SPO11: variants seen among roughly 807,000 people sequenced by gnomAD.
SPO11 encodes SPO11 initiator of meiotic double strand breaks, also known as meiotic recombination protein SPO11.
SPO11 carries 49 observed loss-of-function variants against 51.6 expected under a neutral mutation model. That is an observed-to-expected ratio of 0.95 (90% CI 0.75 to 1.20). The LOEUF is 1.20. Among genes scored for constraint, SPO11 ranks in the 50% most tolerant of loss-of-function variants. The pLI, the probability that SPO11 is intolerant of heterozygous loss-of-function variation, is 0.00. For synonymous variants in SPO11, 176 were observed against 158.2 expected (o/e 1.11, Z -0.84); for missense variants, 431 against 473.4 (o/e 0.91, Z 0.83).
chr20:57,335,406 T>C lies in SPO11; in HGVS notation c.598-13T>C, dbSNP rs371443486. The C allele has an allele frequency of 9.4e-6, 15 of 1,601,618 alleles. No individual in the cohort carries two copies. Among genetic ancestry groups the C allele is most frequent in the Non-Finnish European group, 1.2e-5 (14 of 1,176,098 alleles). On this transcript the variant is annotated splice_polypyrimidine_tract_variant and intron_variant, in intron 6 of 12. Coordinates refer to ENST00000371263, the MANE Select transcript of SPO11 (RefSeq NM_012444.3). Reference sequence around the variant, plus strand: ...TTGCTTTTTATGTAAGATAAAAACTTTTTTTTTAAAAGGCTGTTGCTGTGC... The same window carrying C: ...TTGCTTTTTATGTAAGATAAAAACTCTTTTTTTAAAAGGCTGTTGCTGTGC...
intron 11 of SPO11, among the ~76,000 whole-genome samples, chr20:57,340,893 A>C (rs1356723597): frequency 6.6e-6 from 1 of 152,254 alleles, no homozygotes; most frequent in African/African-American, 2.4e-5. Context: ...TATCATTTTA[A>C]GAGTATTAAA....
intron 9 of SPO11, 46 bp from the exon 10 acceptor site, chr20:57,338,943 G>A (rs1318967924): frequency 1.6e-6 from 2 of 1,254,624 alleles, no homozygotes; most frequent in Admixed American, 2.4e-5. Flanking sequence ...AAATTAACCT[G>A]TAATATGTAA....
At chr20:57,331,073 C>T (rs1374372913) in intron 1 of SPO11, among the ~76,000 whole-genome samples, 3 of 152,184 alleles carry the variant, frequency 2.0e-5, no homozygotes, top group Non-Finnish European at 1.5e-5. Flanking sequence ...TTCTAGAGTG[C>T]ATTTGATTTC....
At chr20:57,339,319 A>G (rs1296212268) in intron 10 of SPO11, among the ~76,000 whole-genome samples, 1 of 152,050 alleles carries the variant, frequency 6.6e-6, no homozygotes. Context: ...GGTGACAACA[A>G]CGCTGTCTGA....
At chr20:57,334,471 CATAAT>C (rs531037660) in intron 5 of SPO11, among the ~76,000 whole-genome samples, 34 of 152,298 alleles carry the variant, frequency 2.2e-4, no homozygotes, top group African/African-American at 7.5e-4. Context: ...AATTTTAAAA[CATAAT>C]ATAGTCTTCT....
chr20:57,330,075 T>TCAG (rs1283290637), intron 1 of SPO11, 77 bp downstream of exon 1: 2 of 1,474,318 alleles, frequency 1.4e-6, no homozygotes, highest in Non-Finnish European at 1.8e-6. Flanking sequence ...CCGGGCTGCC[T>TCAG]CCTAGTGTTG....
At chr20:57,332,076 GT>G in intron 2 of SPO11, 130 bp downstream of exon 2, 1 of 526,674 alleles carries the variant, frequency 1.9e-6, no homozygotes. Flanking sequence ...GATTTAGGAA[GT>G]TTACGAAATA....
chr20:57,333,652 G>T, intron 3 of SPO11, 35 bp from the exon 4 acceptor site: 3 of 1,095,874 alleles, frequency 2.7e-6, no homozygotes, highest in Non-Finnish European at 4.2e-6. Flanking sequence ...TAAGAGAAAT[G>T]ATGAGTAACT....
In SPO11 at chr20:57,329,822, A is replaced by C. The variant is rs770108439; in HGVS notation, c.-46A>C. 1.3e-6 allele frequency: 2 copies of C among 1,559,576 alleles called. No individual in the cohort carries two copies. The highest frequency in any genetic ancestry group is 2.3e-5 in the East Asian group (1 of 44,144). On this transcript the variant is annotated 5_prime_UTR_variant, in exon 1 of 13. Transcript: ENST00000371263. ...GCACGCAGCCACGCCCCAAGGGCGCAGCCTAGGACAGGGGCTTCTGGAGCT... is the reference window on the plus strand; with the variant it reads ...GCACGCAGCCACGCCCCAAGGGCGCCGCCTAGGACAGGGGCTTCTGGAGCT...
Position 57,334,851 on chromosome 20 carries a change from T to G in SPO11, c.597+15T>G. The G allele has an allele frequency of 6.2e-7, 1 of 1,610,512 alleles. No individual in the cohort carries two copies. The highest frequency in any genetic ancestry group is 8.5e-7 in the Non-Finnish European group (1 of 1,177,380). On this transcript the variant is annotated intron_variant, in intron 6 of 12. Transcript: ENST00000371263. ...GTGGTGCAACGGTAAGAAGCATCAT[T>G]GAAGTTTTCACAGCTTTAACTCTTC...
At position 57,343,588 on chromosome 20, in the gene SPO11, C is replaced by T. The variant is rs1320906450; in HGVS notation, c.*128C>T. ...GTAAAAGTGAAATAAAATAACTTTC[C>T]GTTAATTATATATTTTTGTCAAAAC... is the stretch of plus-strand genomic sequence containing the variant. On this transcript the variant is annotated 3_prime_UTR_variant, in exon 13 of 13. Coordinates refer to ENST00000371263, the MANE Select transcript of SPO11 (RefSeq NM_012444.3). 10 of 1,096,312 alleles carry T rather than the reference C, an allele frequency of 9.1e-6. No homozygotes were observed. In the Admixed American group the frequency reaches 9.4e-5, roughly 10 times the overall value. 67.9% of individuals were successfully genotyped at this position (1,096,312 alleles called of 1,614,324 possible). A position where few individuals can be genotyped will look rare whatever the true frequency, so the allele number is the denominator to read the frequency against.
intron 8 of SPO11, among the ~76,000 whole-genome samples, chr20:57,336,227 TGA>T (rs1172760525): frequency 6.6e-6 from 1 of 152,230 alleles, no homozygotes; most frequent in Non-Finnish European, 1.5e-5. Context: ...CTTGAAAAGC[TGA>T]GTGTTCCTGC....
rs547363905 is a variant in SPO11 at position 57,342,339 on chromosome 20, C to G, written c.960-390C>G. 7.9e-5 allele frequency among the ~76,000 whole-genome samples: 12 copies of G among 152,328 alleles called. No individual in the cohort carries two copies. In the East Asian group the frequency reaches 2.1e-3, roughly 27 times the overall value. On this transcript the variant is annotated intron_variant, in intron 11 of 12. Coordinates refer to ENST00000371263, the MANE Select transcript of SPO11 (RefSeq NM_012444.3). ...GCCGTTGGCCATGCATATTGGAGCT[C>G]ACTGCCAGAAGAGTGTGAAGCTCTG...
In SPO11 at chr20:57,333,762, ATTG is replaced by A; in HGVS notation, c.401+12_401+14del. On this transcript the variant is annotated intron_variant, in intron 4 of 12. Coordinates refer to ENST00000371263, the MANE Select transcript of SPO11 (RefSeq NM_012444.3). ...ACTTATGCAACCAAAAGGTAAATAT[ATTG>A]TTCTAGTAAATTACTCTTCAAAATG... The A allele has an allele frequency of 7.3e-7, 1 of 1,373,038 alleles. No individual in the cohort carries two copies. The highest frequency in any genetic ancestry group is 1.0e-6 in the Non-Finnish European group (1 of 970,978). The allele number at this position is 1,373,038 out of a possible 1,614,324, so 85.1% of individuals were successfully genotyped here. A position where few individuals can be genotyped will look rare whatever the true frequency, so the allele number is the denominator to read the frequency against.
chr20:57,343,289 C>T (rs1188082288), intron 12 of SPO11, 52 bp from the exon 13 acceptor site: 9 of 1,587,284 alleles, frequency 5.7e-6, no homozygotes, highest in Non-Finnish European at 1.7e-6. Context: ...GTTGAATTGA[C>T]AGAAATGCAA....
Position 57,340,009 on chromosome 20 carries a change from CCTT to C in SPO11, c.883-89_883-87del, listed in dbSNP as rs1476830024. 2.4e-5 allele frequency: 20 copies of C among 817,840 alleles called. No individual in the cohort carries two copies. The South Asian group carries it at 2.5e-4, about 10-fold the overall frequency. 50.7% of individuals were successfully genotyped at this position (817,840 alleles called of 1,614,324 possible). On this transcript the variant is annotated intron_variant, in intron 10 of 12. Coordinates refer to ENST00000371263, the MANE Select transcript of SPO11 (RefSeq NM_012444.3). ...ATGTGAAGCCAGCTTTAGTACTTGT[CCTT>C]CTTAATAAGTGAAAAATTTGACTGA...
chr20:57,336,675 T>G (rs1033647962), intron 8 of SPO11, among the ~76,000 whole-genome samples: 18 of 152,262 alleles, frequency 1.2e-4, no homozygotes, highest in African/African-American at 4.3e-4. Context: ...GAGGGCCATA[T>G]TAGGAAGAGC....
chr20:57,334,969 G>A (rs1056550750), intron 6 of SPO11, 133 bp downstream of exon 6: 23 of 685,654 alleles, frequency 3.4e-5, no homozygotes, highest in African/African-American at 2.0e-4. Flanking sequence ...AGATGGATAG[G>A]AATATGCTTT....
Position 57,335,398 on chromosome 20 carries a change from TA to T in SPO11, c.598-16del. ...TGGTTATTTTGCTTTTTATGTAAGA[TA>T]AAAACTTTTTTTTTAAAAGGCTGTT... On this transcript the variant is annotated intron_variant, in intron 6 of 12. Coordinates refer to ENST00000371263, the MANE Select transcript of SPO11 (RefSeq NM_012444.3). The T allele has an allele frequency of 6.3e-7, 1 of 1,598,838 alleles. No individual in the cohort carries two copies. The highest frequency in any genetic ancestry group is 1.1e-5 in the South Asian group (1 of 87,698).
Sources: gnomAD v4.1 joint callset for allele counts (sites outside exome capture counted in the v4.1 genomes callset) on GRCh38, gnomAD v4.1.1 for gene constraint, MANE v1.5 for transcripts, NCBI Gene and HGNC (gene_info 2026-07-23, HGNC 2026-07-21) for gene names.